Variants in NCK2 observed in about 807,000 individuals in gnomAD.
NCK2 encodes cytoplasmic protein NCK2.
A neutral mutation model predicts 33.9 loss-of-function variants in NCK2; 16 were observed. That is an observed-to-expected ratio of 0.47 (90% CI 0.32 to 0.72). NCK2 has a LOEUF of 0.72. Ranked by LOEUF, NCK2 falls within the 30% of genes least tolerant of loss-of-function variation. The pLI, the probability that NCK2 is intolerant of heterozygous loss-of-function variation, is 0.03. For missense variants in NCK2, 418 were observed against 537.3 expected, an observed-to-expected ratio of 0.78 and a Z score of 2.19; for synonymous variants, 273 against 239.9, an observed-to-expected ratio of 1.14 and a Z score of -1.27.
intron 2 of NCK2, among the ~76,000 whole-genome samples, chr2:105,832,769 TGTTGTTGTGTCCTTGTCTG>T (rs1676246211): frequency 6.6e-6 from 1 of 152,000 alleles, no homozygotes; most frequent in African/African-American, 2.4e-5. Context: ...TAGTTTTTGT[TGTTGTTGTGTCCTTGTCTG>T]TTTCAGGTGT....
intron 4 of NCK2, among the ~76,000 whole-genome samples, chr2:105,886,355 C>T (rs1455452705): frequency 1.3e-5 from 2 of 152,244 alleles, no homozygotes; most frequent in Non-Finnish European, 2.9e-5. Flanking sequence ...GAAGACTCTG[C>T]CTTCTCACTC....
chr2:105,835,409 G>GTGTGTATATATATATACTTA (rs56250020), intron 2 of NCK2, among the ~76,000 whole-genome samples: 1 of 59,328 alleles, frequency 1.7e-5, no homozygotes, highest in Non-Finnish European at 3.3e-5. Flanking sequence ...ATATATACGT[G>GTGTGTATATATATATACTTA]TATATATATA....
At chr2:105,872,430 C>G (rs761093928) in intron 3 of NCK2, among the ~76,000 whole-genome samples, 1 of 152,190 alleles carries the variant, frequency 6.6e-6, no homozygotes, top group Non-Finnish European at 1.5e-5. Context: ...CTCACCTGAG[C>G]GCCTCCGTGT....
intron 1 of NCK2, among the ~76,000 whole-genome samples, chr2:105,782,742 C>T (rs1009893827): frequency 4.6e-5 from 7 of 152,092 alleles, no homozygotes; most frequent in African/African-American, 1.2e-4. Context: ...CCTGTAGAGG[C>T]GAAGTGGATG....
Position 105,744,961 on chromosome 2 carries a change from G to C in NCK2, c.-378G>C, listed in dbSNP as rs1689219404. The C allele has an allele frequency of 6.9e-6, 1 of 145,548 alleles. No individual in the cohort carries two copies. Among genetic ancestry groups the C allele is most frequent in the Non-Finnish European group, 1.5e-5 (1 of 65,442 alleles). The allele number at this position is 145,548 out of a possible 1,614,324, so 9.0% of individuals were successfully genotyped here. A position where few individuals can be genotyped will look rare whatever the true frequency, so the allele number is the denominator to read the frequency against. On this transcript the variant is annotated 5_prime_UTR_variant, in exon 1 of 5. Coordinates refer to ENST00000233154, the MANE Select transcript of NCK2 (RefSeq NM_003581.5). ...GGCGGCGGGCGGAGGGGAGGGCTTG[G>C]CGGCCGGGAGGCTCGCGGCGCCCGG... is the stretch of plus-strand genomic sequence containing the variant.
chr2:105,760,112 A>G (rs1114882), intron 1 of NCK2, among the ~76,000 whole-genome samples: 84,341 of 152,028 alleles, frequency 0.55, 23,658 homozygotes, highest in East Asian at 0.67. Flanking sequence ...GAGGGAGTTC[A>G]GCTGTACCTC....
intron 1 of NCK2, among the ~76,000 whole-genome samples, chr2:105,786,775 C>T (rs748114244): frequency 3.3e-5 from 5 of 152,168 alleles, no homozygotes; most frequent in African/African-American, 4.8e-5. Context: ...CTTCTGCCTC[C>T]CCCACGCATT....
intron 1 of NCK2, among the ~76,000 whole-genome samples, chr2:105,749,357 A>C (rs959448474): frequency 6.6e-6 from 1 of 152,210 alleles, no homozygotes; most frequent in African/African-American, 2.4e-5. Flanking sequence ...TACGTTGCCA[A>C]ATTGTTAGTG....
chr2:105,867,738 C>T (rs1558877759), intron 3 of NCK2, among the ~76,000 whole-genome samples: 1 of 152,288 alleles, frequency 6.6e-6, no homozygotes, highest in African/African-American at 2.4e-5. Context: ...TTAGGCAGAG[C>T]ATTTCCCAGG....
chr2:105,838,940 G>T (rs1249025802), intron 2 of NCK2, among the ~76,000 whole-genome samples: 1 of 152,186 alleles, frequency 6.6e-6, no homozygotes, highest in Non-Finnish European at 1.5e-5. Context: ...AATGGTAAGG[G>T]CCATGGAAAA....
chr2:105,892,267 T>C (rs573456982), intron 4 of NCK2, among the ~76,000 whole-genome samples: 70 of 152,320 alleles, frequency 4.6e-4, no homozygotes, highest in African/African-American at 1.5e-3. Flanking sequence ...TTCTAGCTAC[T>C]GCCTGCATGC....
At chr2:105,855,351 C>A (rs1677216979) in intron 3 of NCK2, 62 bp downstream of exon 3, 3 of 1,236,306 alleles carry the variant, frequency 2.4e-6, no homozygotes, top group Non-Finnish European at 3.3e-6. Flanking sequence ...GTTCGTCTTT[C>A]TAGTTAGTTT....
At chr2:105,761,670 G>A (rs1446848797) in intron 1 of NCK2, among the ~76,000 whole-genome samples, 1 of 152,156 alleles carries the variant, frequency 6.6e-6, no homozygotes, top group Non-Finnish European at 1.5e-5. Flanking sequence ...TTGAGCCCAG[G>A]AGTTCAAGAC....
intron 3 of NCK2, 80 bp downstream of exon 3, chr2:105,855,369 C>CCA: frequency 1.3e-6 from 1 of 744,328 alleles, no homozygotes; most frequent in Non-Finnish European, 2.0e-6. Flanking sequence ...TTTGCTGTTT[C>CCA]AAAAAAAAAA....
Position 105,784,710 on chromosome 2 carries a change from A to G in NCK2, c.-200-31720A>G, listed in dbSNP as rs146529405. Among the ~76,000 whole-genome samples the G allele has an allele frequency of 4.2e-3, 642 of 152,314 alleles. 1 individual carries two copies. Among genetic ancestry groups the G allele is most frequent in the Non-Finnish European group, 6.2e-3 (420 of 68,016 alleles). On this transcript the variant is annotated intron_variant, in intron 1 of 4. Coordinates refer to ENST00000233154, the MANE Select transcript of NCK2 (RefSeq NM_003581.5). The stretch of plus-strand genomic sequence containing the variant: ...TCTAGTGAAAACTATAACACCATCA[A>G]ACTTGCCCCTGGAGGAGCAGTGTGT...
chr2:105,838,931 A>G (rs4851877), intron 2 of NCK2, among the ~76,000 whole-genome samples: 1 of 152,142 alleles, frequency 6.6e-6, no homozygotes, highest in African/African-American at 2.4e-5. Flanking sequence ...GTGTGAAGTA[A>G]TGGTAAGGGC....
intron 4 of NCK2, among the ~76,000 whole-genome samples, chr2:105,891,701 C>A (rs1191550347): frequency 6.6e-6 from 1 of 151,846 alleles, no homozygotes; most frequent in Non-Finnish European, 1.5e-5. Flanking sequence ...ACACTACCAC[C>A]ATGCCTGGCT....
At chr2:105,748,958 A>G (rs1473622866) in intron 1 of NCK2, among the ~76,000 whole-genome samples, 1 of 152,142 alleles carries the variant, frequency 6.6e-6, no homozygotes, top group African/African-American at 2.4e-5. Context: ...TGACCTCAGG[A>G]TGTCCAGACA....
chr2:105,844,192 A>G (rs1000222232), intron 2 of NCK2, among the ~76,000 whole-genome samples: 2 of 152,150 alleles, frequency 1.3e-5, no homozygotes, highest in African/African-American at 4.8e-5. Flanking sequence ...TGCTCTTCAA[A>G]AAAAAGGGAA....
Sources: allele counts gnomAD v4.1 joint callset (sites outside exome capture counted in the v4.1 genomes callset), GRCh38; gene constraint gnomAD v4.1.1; transcripts MANE v1.5; gene names NCBI Gene and HGNC (gene_info 2026-07-23, HGNC 2026-07-21).